Variants in MLLT3 observed in about 807,000 individuals in gnomAD.
The protein encoded by MLLT3 is MLLT3 super elongation complex subunit.
MLLT3 carries 4 observed loss-of-function variants against 53.2 expected under a neutral mutation model. That is an observed-to-expected ratio of 0.08 (90% confidence interval 0.04 to 0.17). The LOEUF is 0.17. MLLT3 is among the 10% of genes least tolerant of loss of function. The pLI is 1.00. For missense variants in MLLT3, 569 were observed against 684.0 expected (o/e 0.83, Z 1.87); for synonymous variants, 283 against 230.6 (o/e 1.23, Z -2.06).
intron 2 of MLLT3, among the ~76,000 whole-genome samples, chr9:20,503,332 G>A (rs1219489103): frequency 6.6e-6 from 1 of 152,058 alleles, no homozygotes; most frequent in Non-Finnish European, 1.5e-5. Flanking sequence ...GCATGCTGCT[G>A]GTATAAAAAG....
intron 5 of MLLT3, among the ~76,000 whole-genome samples, chr9:20,404,286 C>T (rs1822527607): frequency 1.3e-5 from 2 of 152,190 alleles, no homozygotes; most frequent in South Asian, 4.1e-4. Flanking sequence ...TCCTAGACTG[C>T]AGTTTTGCCT....
At chr9:20,357,359 C>G (rs78395167) in intron 8 of MLLT3, among the ~76,000 whole-genome samples, 1 of 152,158 alleles carries the variant, frequency 6.6e-6, no homozygotes, top group Non-Finnish European at 1.5e-5. Flanking sequence ...GTTGAAATGA[C>G]GCAACACTCT....
chr9:20,360,897 A>T, intron 7 of MLLT3, 56 bp from the exon 8 acceptor site: 2 of 1,469,578 alleles, frequency 1.4e-6, no homozygotes, highest in Non-Finnish European at 1.9e-6. Flanking sequence ...TTCTTGAAAT[A>T]CCCATAGAAA....
intron 2 of MLLT3, among the ~76,000 whole-genome samples, chr9:20,498,347 A>G (rs1825135022): frequency 6.7e-6 from 1 of 148,726 alleles, no homozygotes; most frequent in South Asian, 2.1e-4. Context: ...AGAATGTAAT[A>G]CTCTTCTATT....
chr9:20,553,269 A>C (rs942094158), intron 2 of MLLT3, among the ~76,000 whole-genome samples: 9 of 152,232 alleles, frequency 5.9e-5, no homozygotes, highest in Admixed American at 5.2e-4. Context: ...GGAAGAAGAG[A>C]GGGCAGACAT....
chr9:20,395,955 G>T (rs1188743445), intron 5 of MLLT3, among the ~76,000 whole-genome samples: 1 of 152,170 alleles, frequency 6.6e-6, no homozygotes, highest in Non-Finnish European at 1.5e-5. Context: ...GCAGGATCCT[G>T]TGTTCAGGAC....
chr9:20,515,957 G>C (rs1817903123), intron 2 of MLLT3, among the ~76,000 whole-genome samples: 1 of 152,188 alleles, frequency 6.6e-6, no homozygotes, highest in Non-Finnish European at 1.5e-5. Context: ...ACAAGAAAAA[G>C]ACTCACAAGC....
intron 2 of MLLT3, among the ~76,000 whole-genome samples, chr9:20,565,466 T>C (rs1174282530): frequency 1.3e-5 from 2 of 152,096 alleles, no homozygotes; most frequent in Non-Finnish European, 1.5e-5. Context: ...AATTGTTCAC[T>C]TTCTTTATAG....
At chr9:20,600,660 G>A (rs986737873) in intron 2 of MLLT3, among the ~76,000 whole-genome samples, 16 of 152,140 alleles carry the variant, frequency 1.1e-4, no homozygotes, top group Non-Finnish European at 2.2e-4. Context: ...TTACTCAGAA[G>A]CTTCTGATCC....
intron 2 of MLLT3, among the ~76,000 whole-genome samples, chr9:20,508,440 T>C (rs1388010088): frequency 6.6e-6 from 1 of 152,170 alleles, no homozygotes; most frequent in Non-Finnish European, 1.5e-5. Context: ...GCCAACACTA[T>C]CATCCCAGGA....
intron 4 of MLLT3, among the ~76,000 whole-genome samples, chr9:20,435,680 G>C (rs1823383398): frequency 1.3e-5 from 2 of 152,114 alleles, no homozygotes; most frequent in Non-Finnish European, 2.9e-5. Context: ...GAAGGAAAAA[G>C]GAGTACGGGA....
intron 2 of MLLT3, among the ~76,000 whole-genome samples, chr9:20,599,137 C>G (rs13440135): frequency 6.6e-6 from 1 of 151,992 alleles, no homozygotes; most frequent in South Asian, 2.1e-4. Flanking sequence ...AACCCTGTCT[C>G]TACTAAAAAT....
At chr9:20,618,787 T>C (rs1820906119) in intron 2 of MLLT3, among the ~76,000 whole-genome samples, 1 of 152,094 alleles carries the variant, frequency 6.6e-6, no homozygotes, top group South Asian at 2.1e-4. Context: ...AAAAATAACA[T>C]CAATGCACAC....
At chr9:20,416,727 T>C (rs1164508318) in intron 4 of MLLT3, among the ~76,000 whole-genome samples, 1 of 152,162 alleles carries the variant, frequency 6.6e-6, no homozygotes, top group Admixed American at 6.5e-5. Context: ...CAGACATTCT[T>C]GTTCTTTCCT....
chr9:20,444,572 T>C (rs971692823), intron 4 of MLLT3, among the ~76,000 whole-genome samples: 3 of 152,220 alleles, frequency 2.0e-5, no homozygotes, highest in African/African-American at 7.2e-5. Context: ...CTCTTTCTCT[T>C]ACTTAAAGCC....
intron 2 of MLLT3, among the ~76,000 whole-genome samples, chr9:20,544,908 G>C (rs1448625898): frequency 9.2e-5 from 14 of 152,008 alleles, no homozygotes. Context: ...AACAAAGTAA[G>C]AACCTGTCTT....
chr9:20,537,902 C>T (rs1391376781), intron 2 of MLLT3, among the ~76,000 whole-genome samples: 1 of 152,122 alleles, frequency 6.6e-6, no homozygotes, highest in Admixed American at 6.5e-5. Flanking sequence ...AGGTTTGAAA[C>T]ATATATTTTA....
chr9:20,532,740 G>A (rs1035707848), intron 2 of MLLT3: 3 of 266,294 alleles, frequency 1.1e-5, no homozygotes, highest in Non-Finnish European at 1.4e-5. Context: ...ATATCAGGTT[G>A]CAGCAGCAGA....
intron 8 of MLLT3, 45 bp from the exon 9 acceptor site, chr9:20,354,924 C>G: frequency 1.4e-6 from 2 of 1,431,936 alleles, no homozygotes; most frequent in Non-Finnish European, 2.0e-6. Context: ...TTTCAAGCAT[C>G]TCTTAGCTAA....
Sources: gnomAD v4.1 joint callset for allele counts (sites outside exome capture counted in the v4.1 genomes callset) on GRCh38, gnomAD v4.1.1 for gene constraint, MANE v1.5 for transcripts, NCBI Gene and HGNC (gene_info 2026-07-23, HGNC 2026-07-21) for gene names.